Variants in NCKAP5 observed in about 807,000 individuals in gnomAD.
The protein encoded by NCKAP5 is nck-associated protein 5.
In NCKAP5, 92 loss-of-function variants were observed where a neutral mutation model predicts 167.0. That is an observed-to-expected ratio of 0.55 (90% CI 0.47 to 0.66). The LOEUF is 0.66. Among genes scored for constraint, NCKAP5 ranks in the 30% least tolerant of loss-of-function variants. NCKAP5 has a pLI of 0.00. For missense variants in NCKAP5, 2,378 were observed against 2,315.0 expected (o/e 1.03, Z -0.56); for synonymous variants, 891 against 877.4 (o/e 1.02, Z -0.27).
At chr2:133,043,897 A>T (rs1420685512) in intron 6 of NCKAP5, among the ~76,000 whole-genome samples, 1 of 151,210 alleles carries the variant, frequency 6.6e-6, no homozygotes, top group Non-Finnish European at 1.5e-5. Flanking sequence ...ACTAAAAGAT[A>T]GACTGATTCA....
rs376470185 is a variant in NCKAP5, at chr2:132,784,793, G to A, written c.2018C>T (p.Ala673Val). The change falls in exon 14 of 20, where the codon GCG becomes GTG. Residue 673 changes from alanine (A) to valine (V), a missense_variant. Ala to Val is a moderately conservative substitution (Grantham distance 64, BLOSUM62 0). Coordinates refer to ENST00000409261, the MANE Select transcript of NCKAP5 (RefSeq NM_207363.3). ...SEECVTVIFD[A>V]EDGEPIEFSS... Reference sequence around the variant, plus strand: ...GAATTCAATGGGCTCACCGTCTTCCGCATCAAATATCACAGTCACACATTC... The same window carrying A: ...GAATTCAATGGGCTCACCGTCTTCCACATCAAATATCACAGTCACACATTC... 3.1e-5 allele frequency: 49 copies of A among 1,600,576 alleles called. No homozygotes were observed. Among genetic ancestry groups the A allele is most frequent in the African/African-American group, 4.0e-5 (3 of 74,458 alleles).
At chr2:133,349,575 G>A (rs1684213659) in intron 3 of NCKAP5, among the ~76,000 whole-genome samples, 2 of 152,202 alleles carry the variant, frequency 1.3e-5, no homozygotes, top group South Asian at 4.1e-4. Flanking sequence ...CTAGCACTGT[G>A]AGTTGGTGCC....
At chr2:132,973,803 AG>A (rs1559007674) in intron 7 of NCKAP5, among the ~76,000 whole-genome samples, 5 of 152,166 alleles carry the variant, frequency 3.3e-5, no homozygotes, top group Non-Finnish European at 7.4e-5. Flanking sequence ...CTAAGGTTAA[AG>A]CTACCTGTAA....
Position 133,517,001 on chromosome 2 carries a change from T to C in NCKAP5, c.69+457A>G, listed in dbSNP as rs534721203. ...ATCAGCATTAAAACTCTCAGAAAGT[T>C]AGTTTACAGACAACTGAACTAATGC... On this transcript the variant is annotated intron_variant, in intron 3 of 19. Transcript: ENST00000409261. Among the ~76,000 whole-genome samples the C allele has an allele frequency of 8.2e-4, 125 of 152,328 alleles. 1 individual carries two copies. The Middle Eastern group carries it at 0.01, about 12-fold the overall frequency.
chr2:132,963,639 C>T (rs2076581278), intron 8 of NCKAP5, 81 bp downstream of exon 8: 1 of 1,394,616 alleles, frequency 7.2e-7, no homozygotes, highest in Non-Finnish European at 1.0e-6. Flanking sequence ...AAGATTTATA[C>T]TCACTCAAAA....
At chr2:133,607,115 T>C in the NCKAP5 span, among the ~76,000 whole-genome samples, 2 of 152,214 alleles carry the variant, frequency 1.3e-5, no homozygotes, top group African/African-American at 4.8e-5. Flanking sequence ...CTCTTACAAT[T>C]TATTACATCA....
chr2:133,277,189 T>TA lies in NCKAP5; in HGVS notation c.143+25847_143+25848insT, dbSNP rs1294811423. Among the ~76,000 whole-genome samples the TA allele has an allele frequency of 5.3e-5, 8 of 152,188 alleles. No individual in the cohort carries two copies. The East Asian group carries it at 1.5e-3, about 29-fold the overall frequency. On this transcript the variant is annotated intron_variant, in intron 4 of 19. Transcript: ENST00000409261. ...CATTTTATTGGATTCAATGCAATTA[T>TA]GCAAGATAAATCAAATGGAGGCATA...
intron 5 of NCKAP5, among the ~76,000 whole-genome samples, chr2:133,194,153 A>G (rs2085341532): frequency 6.6e-6 from 1 of 152,112 alleles, no homozygotes; most frequent in Admixed American, 6.6e-5. Context: ...TTTTTTTAAA[A>G]TAAAAACTAA....
the NCKAP5 span, among the ~76,000 whole-genome samples, chr2:133,663,531 T>C: frequency 2.0e-5 from 3 of 152,226 alleles, no homozygotes; most frequent in African/African-American, 7.2e-5. Flanking sequence ...CTGCTGCTAC[T>C]TTATCAACTA....
At chr2:133,164,810 GA>G (rs1444127691) in intron 5 of NCKAP5, among the ~76,000 whole-genome samples, 1 of 152,168 alleles carries the variant, frequency 6.6e-6, no homozygotes, top group African/African-American at 2.4e-5. Context: ...GATTGGAAAT[GA>G]AATAATGTGT....
At chr2:133,272,636 C>T (rs2089563254) in intron 4 of NCKAP5, among the ~76,000 whole-genome samples, 1 of 152,130 alleles carries the variant, frequency 6.6e-6, no homozygotes, top group Non-Finnish European at 1.5e-5. Context: ...TTGTTTTTAG[C>T]ATATGCACCG....
chr2:133,265,116 G>A (rs544731208), intron 4 of NCKAP5: 1 of 152,330 alleles, frequency 6.6e-6, no homozygotes, highest in African/African-American at 2.4e-5. Context: ...AGCGTTTGCA[G>A]GAATAGTTCT....
chr2:133,135,178 A>C (rs992698471), intron 5 of NCKAP5, among the ~76,000 whole-genome samples: 2 of 152,230 alleles, frequency 1.3e-5, no homozygotes, highest in African/African-American at 4.8e-5. Flanking sequence ...AAGTGACGGA[A>C]ACTGATTTTG....
intron 3 of NCKAP5, among the ~76,000 whole-genome samples, chr2:133,389,510 G>A (rs574275989): frequency 7.9e-5 from 12 of 152,288 alleles, no homozygotes; most frequent in South Asian, 4.1e-4. Flanking sequence ...AGTTCCTAAC[G>A]TTTTGGTATG....
chr2:133,161,557 C>T (rs1172119594), intron 5 of NCKAP5, among the ~76,000 whole-genome samples: 3 of 152,136 alleles, frequency 2.0e-5, no homozygotes, highest in Non-Finnish European at 4.4e-5. Context: ...ACTGTTGATG[C>T]TAAGTCAGCC....
Position 132,972,753 on chromosome 2 carries a change from C to T in NCKAP5, c.430-8884G>A, listed in dbSNP as rs896942390. 6.6e-5 allele frequency among the ~76,000 whole-genome samples: 10 copies of T among 151,608 alleles called. No homozygotes were observed. In the East Asian group the frequency reaches 1.4e-3, roughly 21 times the overall value. ...TGGCATGCACCTGCAGTCCCAGCTA[C>T]TTTGGAGGCTGAGGCAGGAGAATCA... On this transcript the variant is annotated intron_variant, in intron 7 of 19. Coordinates refer to ENST00000409261, the MANE Select transcript of NCKAP5 (RefSeq NM_207363.3).
rs1040696480 is a variant in NCKAP5 at position 133,219,035 on chromosome 2, G to A, written c.144-5256C>T. ...AGGAACAAAATGAATGAATCAACACGAATGGGCTATCTCTAAAGGGGCAGC... is the reference window on the plus strand; with the variant it reads ...AGGAACAAAATGAATGAATCAACACAAATGGGCTATCTCTAAAGGGGCAGC... On this transcript the variant is annotated intron_variant, in intron 4 of 19. Coordinates refer to ENST00000409261, the MANE Select transcript of NCKAP5 (RefSeq NM_207363.3). Among the ~76,000 whole-genome samples the A allele has an allele frequency of 5.3e-5, 8 of 152,248 alleles. No individual in the cohort carries two copies. In the East Asian group the frequency reaches 1.2e-3, roughly 22 times the overall value.
At chr2:133,470,716 C>G (rs891448141) in intron 3 of NCKAP5, among the ~76,000 whole-genome samples, 1 of 152,196 alleles carries the variant, frequency 6.6e-6, no homozygotes, top group African/African-American at 2.4e-5. Flanking sequence ...TCTCGTGGTG[C>G]GCCGTTTTTT....
intron 4 of NCKAP5, among the ~76,000 whole-genome samples, chr2:133,229,259 C>T (rs1271982028): frequency 6.6e-6 from 1 of 152,144 alleles, no homozygotes; most frequent in Non-Finnish European, 1.5e-5. Context: ...ATAAATAAAT[C>T]TAAGTATTCA....
Sources: allele counts gnomAD v4.1 joint callset (sites outside exome capture counted in the v4.1 genomes callset), GRCh38; gene constraint gnomAD v4.1.1; transcripts MANE v1.5; gene names NCBI Gene and HGNC (gene_info 2026-07-23, HGNC 2026-07-21).